PRKAG2: variants seen among roughly 807,000 people sequenced by gnomAD.
The protein encoded by PRKAG2 is 5'-AMP-activated protein kinase subunit gamma-2.
A neutral mutation model predicts 69.6 loss-of-function variants in PRKAG2; 26 were observed. The ratio of observed to expected loss-of-function variants is 0.37; its 90% CI spans 0.27 to 0.52. PRKAG2 has a LOEUF of 0.52. PRKAG2 is among the 20% of genes least tolerant of loss of function. The pLI is 0.90. For missense variants in PRKAG2, 557 were observed against 740.0 expected, an observed-to-expected ratio of 0.75 and a Z score of 2.87; for synonymous variants, 293 against 285.0, an observed-to-expected ratio of 1.03 and a Z score of -0.28.
At chr7:151,821,062 A>AGAGCCTCCAACCCCACAGACCT (rs1184141184) in intron 1 of PRKAG2, among the ~76,000 whole-genome samples, 3 of 152,196 alleles carry the variant, frequency 2.0e-5, no homozygotes, top group Admixed American at 6.5e-5. Flanking sequence ...AGCTGTGGAG[A>AGAGCCTCCAACCCCACAGACCT]CAGGGAACAA....
At chr7:151,564,422 A>G in intron 13 of PRKAG2, 198 bp from the exon 14 acceptor site, 1 of 566,420 alleles carries the variant, frequency 1.8e-6, no homozygotes, top group Non-Finnish European at 3.1e-6. Context: ...AATCACAATT[A>G]AAGATAACCA....
At chr7:151,599,411 T>C (rs1290553213) in intron 5 of PRKAG2, among the ~76,000 whole-genome samples, 1 of 152,174 alleles carries the variant, frequency 6.6e-6, no homozygotes, top group Non-Finnish European at 1.5e-5. Context: ...CCCTGCATCT[T>C]CCACAGCTGT....
intron 5 of PRKAG2, among the ~76,000 whole-genome samples, chr7:151,612,293 C>G (rs1354053539): frequency 6.6e-6 from 1 of 152,152 alleles, no homozygotes; most frequent in African/African-American, 2.4e-5. Flanking sequence ...TACCACAGTC[C>G]CTTCTTGCAG....
At chr7:151,726,561 T>C (rs1798007967) in intron 3 of PRKAG2, among the ~76,000 whole-genome samples, 1 of 152,092 alleles carries the variant, frequency 6.6e-6, no homozygotes, top group South Asian at 2.1e-4. Context: ...ACGGTGTCCA[T>C]TAACAACTGG....
chr7:151,865,416 G>A (rs2080038939), intron 1 of PRKAG2, among the ~76,000 whole-genome samples: 1 of 152,238 alleles, frequency 6.6e-6, no homozygotes, highest in South Asian at 2.1e-4. Context: ...TAAATTCTGT[G>A]GCTTTCAGTC....
chr7:151,823,691 C>A (rs1358786595), intron 1 of PRKAG2, among the ~76,000 whole-genome samples: 1 of 152,158 alleles, frequency 6.6e-6, no homozygotes, highest in Non-Finnish European at 1.5e-5. Context: ...TTTCTGGAAA[C>A]TTCCACAGCC....
chr7:151,562,801 A>T (rs1468441876), intron 14 of PRKAG2, among the ~76,000 whole-genome samples: 4 of 151,874 alleles, frequency 2.6e-5, no homozygotes, highest in Non-Finnish European at 5.9e-5. Context: ...CCCCGTCTCT[A>T]CTAAAAATAC....
chr7:151,644,065 C>T (rs1276407386), intron 4 of PRKAG2, among the ~76,000 whole-genome samples: 1 of 152,266 alleles, frequency 6.6e-6, no homozygotes, highest in East Asian at 1.9e-4. Context: ...ATACAATAGA[C>T]TGTGGGGACT....
intron 5 of PRKAG2, among the ~76,000 whole-genome samples, chr7:151,625,760 G>T (rs1347913927): frequency 6.6e-6 from 1 of 152,092 alleles, no homozygotes; most frequent in African/African-American, 2.4e-5. Flanking sequence ...TAAAAAGAAA[G>T]AAAACAAACC....
At chr7:151,692,797 A>G (rs1299912414) in intron 3 of PRKAG2, among the ~76,000 whole-genome samples, 1 of 152,182 alleles carries the variant, frequency 6.6e-6, no homozygotes, top group Non-Finnish European at 1.5e-5. Flanking sequence ...TCACATAAAA[A>G]TAGCAGCTGA....
In PRKAG2 at chr7:151,838,825, G is replaced by A. The variant is rs550044252; in HGVS notation, c.114+37682C>T. Among the ~76,000 whole-genome samples, 462 of 151,888 alleles carry A rather than the reference G, an allele frequency of 3.0e-3. 8 individuals carry two copies. Among genetic ancestry groups the A allele is most frequent in the South Asian group, 1.5e-3 (7 of 4,798 alleles). Reference sequence around the variant, plus strand: ...AGTTCAGGAGTTAGAGACAAGCCTGGCCAACATGGTGAAACCCCATCTCTA... The same window carrying A: ...AGTTCAGGAGTTAGAGACAAGCCTGACCAACATGGTGAAACCCCATCTCTA... On this transcript the variant is annotated intron_variant, in intron 1 of 15. Coordinates refer to ENST00000287878, the MANE Select transcript of PRKAG2 (RefSeq NM_016203.4).
intron 3 of PRKAG2, among the ~76,000 whole-genome samples, chr7:151,702,014 C>G (rs796337345): frequency 2.6e-5 from 4 of 152,218 alleles, no homozygotes; most frequent in African/African-American, 9.6e-5. Flanking sequence ...TTTGAAGCCA[C>G]CCGGTGTGTG....
chr7:151,821,375 C>T (rs1528974), intron 1 of PRKAG2, among the ~76,000 whole-genome samples: 98,701 of 151,940 alleles, frequency 0.65, 32,141 homozygotes, highest in East Asian at 0.76. Flanking sequence ...AAGCTGGGAA[C>T]CAGGATTGGG....
chr7:151,697,747 G>A (rs1408886900), intron 3 of PRKAG2, among the ~76,000 whole-genome samples: 1 of 152,080 alleles, frequency 6.6e-6, no homozygotes, highest in Non-Finnish European at 1.5e-5. Context: ...GGAGGCAGGT[G>A]CCGGGAGCAG....
At chr7:151,564,054 G>A in intron 14 of PRKAG2, 24 bp downstream of exon 14, 1 of 1,613,832 alleles carries the variant, frequency 6.2e-7, no homozygotes, top group Non-Finnish European at 8.5e-7. Flanking sequence ...CGTCGGGGGA[G>A]CAGGACTGGG....
At chr7:151,801,738 G>T (rs1032445502) in intron 1 of PRKAG2, among the ~76,000 whole-genome samples, 4 of 152,252 alleles carry the variant, frequency 2.6e-5, no homozygotes, top group African/African-American at 9.6e-5. Context: ...GAAGAAAACT[G>T]CTGAGATGTG....
At chr7:151,594,100 G>A (rs1813867797) in intron 6 of PRKAG2, among the ~76,000 whole-genome samples, 1 of 152,150 alleles carries the variant, frequency 6.6e-6, no homozygotes, top group African/African-American at 2.4e-5. Context: ...ATCATCTAAG[G>A]CAGGGCTATG....
At chr7:151,647,772 G>A (rs1279251292) in intron 4 of PRKAG2, among the ~76,000 whole-genome samples, 2 of 152,260 alleles carry the variant, frequency 1.3e-5, no homozygotes, top group Admixed American at 6.5e-5. Context: ...ATCTCAAATC[G>A]TTTTTGGCAA....
In PRKAG2 at chr7:151,785,853, C is replaced by G. The variant is rs576120782; in HGVS notation, c.186+617G>C. ...TGATGCTGTGGCTCCCTCTCCAGAG[C>G]CCCCCACCCCACCCCACACTCTTTC... On this transcript the variant is annotated intron_variant, in intron 2 of 15. Coordinates refer to ENST00000287878, the MANE Select transcript of PRKAG2 (RefSeq NM_016203.4). Among the ~76,000 whole-genome samples, 71 of 152,058 alleles carry G rather than the reference C, an allele frequency of 4.7e-4. 1 individual carries two copies. Among genetic ancestry groups the G allele is most frequent in the African/African-American group, 8.9e-4 (37 of 41,458 alleles).
Sources: allele counts gnomAD v4.1 joint callset (sites outside exome capture counted in the v4.1 genomes callset), GRCh38; gene constraint gnomAD v4.1.1; transcripts MANE v1.5; gene names NCBI Gene and HGNC (gene_info 2026-07-23, HGNC 2026-07-21).